Variants in ADAMTS18 observed in about 807,000 individuals in gnomAD.
ADAMTS18 encodes the protein ADAM metallopeptidase with thrombospondin type 1 motif 18.
A neutral mutation model predicts 165.9 loss-of-function variants in ADAMTS18; 157 were observed. That is an observed-to-expected ratio of 0.95 (90% confidence interval 0.83 to 1.08). ADAMTS18 has a LOEUF of 1.08. Among genes scored for constraint, ADAMTS18 ranks in the 50% least tolerant of loss-of-function variants. The pLI, the probability that ADAMTS18 is intolerant of heterozygous loss-of-function variation, is 0.00. For missense variants in ADAMTS18, 2,040 were observed against 1,534.0 expected, an observed-to-expected ratio of 1.33 and a Z score of -5.51; for synonymous variants, 782 against 578.2, an observed-to-expected ratio of 1.35 and a Z score of -5.06.
intron 3 of ADAMTS18, among the ~76,000 whole-genome samples, chr16:77,398,174 G>A (rs149182970): frequency 4.6e-5 from 7 of 152,068 alleles, no homozygotes; most frequent in East Asian, 1.9e-4. Context: ...AAAATTAGCC[G>A]GATGTGGTGA....
chr16:77,369,880 T>A (rs2056851958), intron 3 of ADAMTS18, among the ~76,000 whole-genome samples: 2 of 152,126 alleles, frequency 1.3e-5, no homozygotes, highest in Admixed American at 1.3e-4. Flanking sequence ...ATTAAACAGA[T>A]CATTCACCAT....
At chr16:77,363,215 T>C (rs2144734355) in intron 6 of ADAMTS18, among the ~76,000 whole-genome samples, 1 of 152,286 alleles carries the variant, frequency 6.6e-6, no homozygotes, top group East Asian at 1.9e-4. Flanking sequence ...CATGTTCTGG[T>C]TTTCATAATT....
At chr16:77,427,014 T>C (rs2057682118) in intron 3 of ADAMTS18, among the ~76,000 whole-genome samples, 1 of 151,994 alleles carries the variant, frequency 6.6e-6, no homozygotes, top group East Asian at 1.9e-4. Flanking sequence ...ACCCTGTCTC[T>C]AAAAATATAA....
Position 77,341,770 on chromosome 16 carries a change from T to C in ADAMTS18, c.1644A>G (p.Arg548=). The C allele has an allele frequency of 6.2e-7, 1 of 1,613,372 alleles. No individual in the cohort carries two copies. Among genetic ancestry groups the C allele is most frequent in the Non-Finnish European group, 8.5e-7 (1 of 1,179,696 alleles). Residue 548 remains arginine (R), a synonymous_variant, in exon 11 of 23, where the codon CGA becomes CGG. Transcript: ENST00000282849. ...KDICKSLWCH[R]VGHRCETKFM... ...ACTTGGTCTCACACCTGTGGCCTAC[T>C]CGGTGGCACCAAAGTGATTTGCAAA...
chr16:77,309,462 T>C (rs907974138), intron 16 of ADAMTS18, among the ~76,000 whole-genome samples: 5 of 152,186 alleles, frequency 3.3e-5, no homozygotes, highest in Admixed American at 6.6e-5. Context: ...CATCCACCTG[T>C]TGCACATGTT....
At chr16:77,289,456 G>A (rs2055321783) in intron 21 of ADAMTS18, 45 bp from the exon 22 acceptor site, 1 of 1,604,088 alleles carries the variant, frequency 6.2e-7, no homozygotes, top group African/African-American at 1.3e-5. Flanking sequence ...CTCTACTGAG[G>A]TCAGTGACAT....
At chr16:77,359,069 T>G (rs561970347) in intron 8 of ADAMTS18, among the ~76,000 whole-genome samples, 1 of 152,304 alleles carries the variant, frequency 6.6e-6, no homozygotes, top group Admixed American at 6.5e-5. Context: ...AACAAATGCC[T>G]AGCAGCCCAG....
At chr16:77,369,237 T>C (rs1361379171) in intron 3 of ADAMTS18, among the ~76,000 whole-genome samples, 1 of 152,270 alleles carries the variant, frequency 6.6e-6, no homozygotes, top group African/African-American at 2.4e-5. Context: ...TTAATCTTTT[T>C]TTCATAGTCT....
chr16:77,325,346 A>G (rs2056074305), intron 13 of ADAMTS18, among the ~76,000 whole-genome samples: 1 of 152,190 alleles, frequency 6.6e-6, no homozygotes, highest in African/African-American at 2.4e-5. Context: ...AGTAAAATAT[A>G]AGCCATAACT....
At chr16:77,405,804 C>G (rs1469362106) in intron 3 of ADAMTS18, among the ~76,000 whole-genome samples, 3 of 152,108 alleles carry the variant, frequency 2.0e-5, no homozygotes, top group African/African-American at 7.2e-5. Flanking sequence ...TCTCTGGTAT[C>G]TCTCCCTCTT....
intron 3 of ADAMTS18, among the ~76,000 whole-genome samples, chr16:77,400,470 G>C (rs1430329636): frequency 8.0e-6 from 1 of 125,380 alleles, no homozygotes; most frequent in Non-Finnish European, 1.8e-5. Flanking sequence ...GTGTGTGTGT[G>C]TGTGTGTGTG....
intron 3 of ADAMTS18, among the ~76,000 whole-genome samples, chr16:77,394,593 G>C (rs551577293): frequency 6.7e-4 from 102 of 152,218 alleles, no homozygotes; most frequent in African/African-American, 2.4e-3. Flanking sequence ...GAGGAGGGTG[G>C]AAATCTATTA....
chr16:77,293,061 A>G lies in ADAMTS18; in HGVS notation c.3189+15T>C, dbSNP rs762515143. ...GTCTCAATCTCCTGACCCAGCAGTG[A>G]CTTCTAATCCATACCTCGCTCCACG... On this transcript the variant is annotated intron_variant, in intron 20 of 22. Coordinates refer to ENST00000282849, the MANE Select transcript of ADAMTS18 (RefSeq NM_199355.4). 9 of 1,613,746 alleles carry G rather than the reference A, an allele frequency of 5.6e-6. No individual in the cohort carries two copies. Among genetic ancestry groups the G allele is most frequent in the Non-Finnish European group, 7.6e-6 (9 of 1,179,954 alleles).
At chr16:77,359,226 G>T (rs1485239621) in intron 8 of ADAMTS18, 92 bp downstream of exon 8, 3 of 1,108,434 alleles carry the variant, frequency 2.7e-6, no homozygotes, top group African/African-American at 1.5e-5. Flanking sequence ...GATCCTCTTT[G>T]TTCTGCCTAA....
At chr16:77,406,415 T>C (rs78328512) in intron 3 of ADAMTS18, among the ~76,000 whole-genome samples, 92 of 152,170 alleles carry the variant, frequency 6.0e-4, no homozygotes, top group African/African-American at 1.9e-3. Flanking sequence ...CCCTCCAAGA[T>C]CACGATTGAA....
At chr16:77,319,286 T>A (rs1012110502) in intron 16 of ADAMTS18, among the ~76,000 whole-genome samples, 6 of 152,166 alleles carry the variant, frequency 3.9e-5, no homozygotes, top group Non-Finnish European at 2.9e-5. Flanking sequence ...TTCTTTGGCG[T>A]TCTTGAAACC....
Position 77,431,353 on chromosome 16 carries a change from T to C in ADAMTS18, c.437A>G (p.Gln146Arg). 6.2e-7 allele frequency: 1 copy of C among 1,614,146 alleles called. No homozygotes were observed. The change falls in exon 3 of 23, where the codon CAG becomes CGG. Residue 146 changes from glutamine to arginine, a missense_variant. Gln to Arg is a conservative substitution (Grantham distance 43, BLOSUM62 1). Transcript: ENST00000282849. ...GGAGCTGTCATTTCTGATAAATCCC[T>C]GATAGAAGCATTGCTGCACCTCGGG... ...QKPEVQQCFY[Q>R]GFIRNDSSSS...
At chr16:77,427,514 T>C (rs112971360) in intron 3 of ADAMTS18, among the ~76,000 whole-genome samples, 5 of 152,320 alleles carry the variant, frequency 3.3e-5, no homozygotes, top group African/African-American at 1.2e-4. Flanking sequence ...CAGATCACCA[T>C]TAGATTAGGT....
chr16:77,412,960 G>C (rs1341377343), intron 3 of ADAMTS18, among the ~76,000 whole-genome samples: 1 of 152,066 alleles, frequency 6.6e-6, no homozygotes, highest in East Asian at 1.9e-4. Flanking sequence ...GTCTTTGAAA[G>C]CTCTGTGATT....
Sources: allele counts gnomAD v4.1 joint callset (sites outside exome capture counted in the v4.1 genomes callset), GRCh38; gene constraint gnomAD v4.1.1; transcripts MANE v1.5; gene names NCBI Gene and HGNC (gene_info 2026-07-23, HGNC 2026-07-21).